UGT1A9: variants seen among roughly 807,000 people sequenced by gnomAD.
The protein encoded by UGT1A9 is UDP-glucuronosyltransferase 1A9.
UGT1A9 carries 35 observed loss-of-function variants against 45.0 expected under a neutral mutation model. The ratio of observed to expected loss-of-function variants is 0.78; its 90% CI spans 0.59 to 1.03. UGT1A9 has a LOEUF of 1.03. Ranked by LOEUF, UGT1A9 falls within the 50% of genes least tolerant of loss-of-function variation. The probability of loss-of-function intolerance (pLI) is 0.00; values close to 1 mark genes in which losing one functional copy is unlikely to be tolerated. For missense variants in UGT1A9, 687 were observed against 666.6 expected (o/e 1.03, Z -0.34); for synonymous variants, 278 against 250.6 (o/e 1.11, Z -1.03).
intron 1 of UGT1A9, among the ~76,000 whole-genome samples, chr2:233,704,015 C>T (rs547838967): frequency 2.0e-5 from 3 of 152,086 alleles, no homozygotes; most frequent in Admixed American, 6.5e-5. Flanking sequence ...CTCAGCCGCC[C>T]GAGCAGCTGG....
intron 1 of UGT1A9, among the ~76,000 whole-genome samples, chr2:233,752,099 T>C (rs947761592): frequency 1.3e-5 from 2 of 152,204 alleles, no homozygotes; most frequent in Admixed American, 1.3e-4. Context: ...AGACAGAAAG[T>C]AGAATCAGAG....
At chr2:233,698,433 A>G (rs2125575572) in intron 1 of UGT1A9, among the ~76,000 whole-genome samples, 3 of 152,338 alleles carry the variant, frequency 2.0e-5, no homozygotes, top group Middle Eastern at 6.8e-3. Context: ...TTAAGAAAAG[A>G]AGATATATCA....
intron 1 of UGT1A9, among the ~76,000 whole-genome samples, chr2:233,721,312 CTCTTT>C (rs1419139960): frequency 1.3e-5 from 2 of 152,056 alleles, no homozygotes; most frequent in Non-Finnish European, 2.9e-5. Context: ...GTGATTGTGG[CTCTTT>C]TCTTGTGGTT....
chr2:233,772,778 T>C lies in UGT1A9; in HGVS notation c.*219T>C. The C allele has an allele frequency of 5.4e-6, 7 of 1,295,644 alleles. No individual in the cohort carries two copies. The highest frequency in any genetic ancestry group is 7.1e-6 in the Non-Finnish European group (7 of 982,368). The allele number at this position is 1,295,644 out of a possible 1,614,324, so 80.3% of individuals were successfully genotyped here. On this transcript the variant is annotated 3_prime_UTR_variant, in exon 5 of 5. Coordinates refer to ENST00000354728, the MANE Select transcript of UGT1A9 (RefSeq NM_021027.3). Reference sequence around the variant, plus strand: ...ATGTATCGTGCCCCCTCTGGTGTCTTTGATCAGGATGACATGTGCCATTTT... The same window carrying C: ...ATGTATCGTGCCCCCTCTGGTGTCTCTGATCAGGATGACATGTGCCATTTT...
chr2:233,768,052 A>T, intron 3 of UGT1A9, 116 bp downstream of exon 3: 1 of 1,605,578 alleles, frequency 6.2e-7, no homozygotes, highest in South Asian at 1.1e-5. Context: ...AACATATCCT[A>T]CATTGCTTTT....
intron 1 of UGT1A9, among the ~76,000 whole-genome samples, chr2:233,738,028 A>G (rs1242649039): frequency 6.6e-6 from 1 of 151,924 alleles, no homozygotes; most frequent in Non-Finnish European, 1.5e-5. Context: ...TAATCCCCAT[A>G]ATCCCCACGT....
intron 1 of UGT1A9, among the ~76,000 whole-genome samples, chr2:233,688,346 C>A (rs907282855): frequency 1.3e-5 from 2 of 152,134 alleles, no homozygotes; most frequent in Admixed American, 1.3e-4. Flanking sequence ...CATTTTCAGC[C>A]ATGAAAAATA....
Position 233,671,939 on chromosome 2 carries a change from C to A in UGT1A9, c.5C>A (p.Ala2Asp). 1.2e-6 allele frequency: 2 copies of A among 1,608,192 alleles called. No homozygotes were observed. The highest frequency in any genetic ancestry group is 1.7e-5 in the Admixed American group (1 of 59,484). The change falls in exon 1 of 5, where the codon GCT (alanine) becomes GAT (aspartate). Residue 2 changes from alanine to aspartate, a missense_variant. Transcript: ENST00000354728. ...GCTCTCAGCTGCAGTTCTCTGATGG[C>A]TTGCACAGGGTGGACCAGCCCCCTT... M[A>D]CTGWTSPLPL... is the part of the protein sequence containing the mutation.
chr2:233,725,118 G>C (rs1450437592), intron 1 of UGT1A9, among the ~76,000 whole-genome samples: 1 of 140,180 alleles, frequency 7.1e-6, no homozygotes, highest in Non-Finnish European at 1.5e-5. Context: ...GGAGGTTGCA[G>C]TGAGCCGAGA....
chr2:233,721,810 C>A (rs559553943), intron 1 of UGT1A9: 84 of 514,692 alleles, frequency 1.6e-4, no homozygotes, highest in Non-Finnish European at 3.0e-4. Flanking sequence ...CAGCAAAAAT[C>A]CAGCACCCTA....
intron 1 of UGT1A9, among the ~76,000 whole-genome samples, chr2:233,689,485 C>T (rs78706067): frequency 6.6e-6 from 1 of 152,116 alleles, no homozygotes; most frequent in Non-Finnish European, 1.5e-5. Flanking sequence ...AAGAAGAAAT[C>T]GCAAATCAAT....
At chr2:233,757,576 G>A (rs1017226223) in intron 1 of UGT1A9, among the ~76,000 whole-genome samples, 2 of 82,708 alleles carry the variant, frequency 2.4e-5, no homozygotes, top group African/African-American at 1.1e-4. Flanking sequence ...ATATGATATA[G>A]CTATAGTCTA....
At chr2:233,676,507 C>A (rs2074363627) in intron 1 of UGT1A9, among the ~76,000 whole-genome samples, 2 of 152,142 alleles carry the variant, frequency 1.3e-5, no homozygotes, top group Non-Finnish European at 2.9e-5. Context: ...AAGCTAAAGT[C>A]TGTTTCCTTC....
intron 1 of UGT1A9, chr2:233,755,267 T>C (rs1315366268): frequency 1.1e-5 from 8 of 759,504 alleles, no homozygotes; most frequent in East Asian, 5.3e-5. Flanking sequence ...AGTAGTCCAC[T>C]ATGCTGGACT....
chr2:233,673,534 G>A (rs376384747), intron 1 of UGT1A9, among the ~76,000 whole-genome samples: 169 of 152,238 alleles, frequency 1.1e-3, no homozygotes, highest in African/African-American at 3.9e-3. Context: ...GGATTTCCAT[G>A]AATTGAGAAG....
chr2:233,726,048 C>T (rs2077495587), intron 1 of UGT1A9, among the ~76,000 whole-genome samples: 1 of 152,078 alleles, frequency 6.6e-6, no homozygotes, highest in African/African-American at 2.4e-5. Context: ...CACCTGTGGT[C>T]CCAGCTACTC....
In UGT1A9 at chr2:233,772,505, A is replaced by T. The variant is rs772037816; in HGVS notation, c.1539A>T (p.Lys513Asn). 13 of 1,614,204 alleles carry T rather than the reference A, an allele frequency of 8.1e-6. No individual in the cohort carries two copies. Among genetic ancestry groups the T allele is most frequent in the South Asian group, 1.1e-5 (1 of 91,082 alleles). ...TFKCCAYGYR[K>N]CLGKKGRVKK... is the part of the protein sequence containing the mutation. ...AATGTTGTGCTTATGGCTACCGGAA[A>T]TGCTTGGGGAAAAAAGGGCGAGTTA... The change falls in exon 5 of 5, where the codon AAA (lysine) becomes AAT (asparagine). Residue 513 changes from lysine (K) to asparagine (N), a missense_variant. Transcript: ENST00000354728.
chr2:233,769,450 T>A lies in UGT1A9; in HGVS notation c.1295+1011T>A. On this transcript the variant is annotated intron_variant, in intron 4 of 4. Coordinates refer to ENST00000354728, the MANE Select transcript of UGT1A9 (RefSeq NM_021027.3). The surrounding 1 kb of genome is among the most constrained non-coding windows in gnomAD (Gnocchi z 4.4). Reference sequence around the variant, plus strand: ...CTGTGCTCATGTGTGGGTGCACACGTGTGCATTCATATGCGTGTGTGTGTG... The same window carrying A: ...CTGTGCTCATGTGTGGGTGCACACGAGTGCATTCATATGCGTGTGTGTGTG... The A allele has an allele frequency of 1.3e-6, 2 of 1,587,838 alleles. No individual in the cohort carries two copies. The highest frequency in any genetic ancestry group is 1.7e-6 in the Non-Finnish European group (2 of 1,158,796).
At chr2:233,693,476 A>G (rs1329461321) in intron 1 of UGT1A9, 2 of 1,614,154 alleles carry the variant, frequency 1.2e-6, no homozygotes, top group African/African-American at 1.3e-5. Context: ...CTGTGGGGTG[A>G]TCCTGGCTGA....
Sources: allele counts gnomAD v4.1 joint callset (sites outside exome capture counted in the v4.1 genomes callset), GRCh38; gene constraint gnomAD v4.1.1; non-coding constraint Gnocchi (gnomAD v3.1); transcripts MANE v1.5; gene names NCBI Gene and HGNC (gene_info 2026-07-23, HGNC 2026-07-21).